The following TOP1 variants were observed in gnomAD, a reference collection of about 807,000 sequenced individuals.
TOP1 encodes the protein DNA topoisomerase I.
In TOP1, 10 loss-of-function variants were observed where a neutral mutation model predicts 111.1. The ratio of observed to expected loss-of-function variants is 0.09; its 90% CI spans 0.06 to 0.15. The LOEUF (loss-of-function observed/expected upper bound fraction) is 0.15, where lower values mean the gene tolerates loss of function less well. Among genes scored for constraint, TOP1 ranks in the 10% least tolerant of loss-of-function variants. The pLI, the probability that TOP1 is intolerant of heterozygous loss-of-function variation, is 1.00. For synonymous variants in TOP1, 271 were observed against 302.9 expected (o/e 0.89, Z 1.10); for missense variants, 474 against 926.7 (o/e 0.51, Z 6.34).
At position 41,106,553 on chromosome 20, in the gene TOP1, T is replaced by A. The variant is rs1462307111; in HGVS notation, c.1308+5200T>A. ...TGTTATACCTCTCCATTAATTCATG[T>A]CTTTTGAATGTATCCACCAATATGG... is the stretch of plus-strand genomic sequence containing the variant. On this transcript the variant is annotated intron_variant, in intron 13 of 20. Coordinates refer to ENST00000361337, the MANE Select transcript of TOP1 (RefSeq NM_003286.4). This position sits in a 1 kb window ranked among gnomAD's most constrained non-coding sequence, Gnocchi z 4.3. 6.6e-6 allele frequency among the ~76,000 whole-genome samples: 1 copy of A among 152,248 alleles called. No individual in the cohort carries two copies. Among genetic ancestry groups the A allele is most frequent in the Non-Finnish European group, 1.5e-5 (1 of 68,030 alleles).
At chr20:41,063,263 A>C (rs1209572174) in intron 3 of TOP1, among the ~76,000 whole-genome samples, 1 of 152,186 alleles carries the variant, frequency 6.6e-6, no homozygotes, top group African/African-American at 2.4e-5. Context: ...TACAAAGGAC[A>C]TGATTCAGTT....
rs954218982 is a variant in TOP1, at chr20:41,100,813, A to T, written c.1164-396A>T. 1.7e-5 allele frequency: 3 copies of T among 173,746 alleles called. No individual in the cohort carries two copies. The highest frequency in any genetic ancestry group is 3.7e-5 in the Non-Finnish European group (3 of 80,890). The allele number at this position is 173,746 out of a possible 1,614,324, so 10.8% of individuals were successfully genotyped here. On this transcript the variant is annotated intron_variant, in intron 12 of 20. Transcript: ENST00000361337. This position sits in a 1 kb window ranked among gnomAD's most constrained non-coding sequence, Gnocchi z 4.4. ...GGGGCCTTTATTAAGTAAAAGAAGGATTACTTGAACACAAGCAATGTAAAA... is the reference window on the plus strand; with the variant it reads ...GGGGCCTTTATTAAGTAAAAGAAGGTTTACTTGAACACAAGCAATGTAAAA...
chr20:41,068,775 C>A (rs977319099), intron 3 of TOP1, among the ~76,000 whole-genome samples: 2 of 152,160 alleles, frequency 1.3e-5, no homozygotes, highest in African/African-American at 4.8e-5. Flanking sequence ...TAGGATCTCA[C>A]GAGCTACCTT....
At chr20:41,113,374 TATTTA>T (rs932968449) in intron 14 of TOP1, among the ~76,000 whole-genome samples, 7 of 151,488 alleles carry the variant, frequency 4.6e-5, no homozygotes, top group East Asian at 3.9e-4. Flanking sequence ...TTTGCTGCCT[TATTTA>T]ATTTTTTTTT....
intron 7 of TOP1, 143 bp downstream of exon 7, chr20:41,081,383 G>A (rs2145938489): frequency 2.0e-6 from 2 of 986,354 alleles, no homozygotes; most frequent in East Asian, 3.1e-5. Flanking sequence ...AGTGGTGGCT[G>A]TGGCACTGGT....
rs1464866141 is a variant in TOP1, at chr20:41,092,452, CTG to C, written c.615-17_615-16del. ...TAGACAAGGCGATCACTAAATGAGG[CTG>C]TGCTTTGTCTTTTAAAGGTGGGAAG... On this transcript the variant is annotated intron_variant, in intron 8 of 20. Coordinates refer to ENST00000361337, the MANE Select transcript of TOP1 (RefSeq NM_003286.4). This position sits in a 1 kb window ranked among gnomAD's most constrained non-coding sequence, Gnocchi z 4.3. The C allele has an allele frequency of 7.9e-7, 1 of 1,270,862 alleles. No individual in the cohort carries two copies. Among genetic ancestry groups the C allele is most frequent in the African/African-American group, 1.5e-5 (1 of 66,314 alleles). The allele number at this position is 1,270,862 out of a possible 1,614,324, so 78.7% of individuals were successfully genotyped here.
At chr20:41,081,741 C>T (rs1327027471) in intron 7 of TOP1, among the ~76,000 whole-genome samples, 3 of 152,186 alleles carry the variant, frequency 2.0e-5, no homozygotes, top group Non-Finnish European at 2.9e-5. Flanking sequence ...TGTCTCTCTT[C>T]ATCTTGTGCC....
chr20:41,112,746 C>G lies in TOP1; in HGVS notation c.1309-36C>G, dbSNP rs1422303648. 2.5e-6 allele frequency: 4 copies of G among 1,611,434 alleles called. No individual in the cohort carries two copies. Among genetic ancestry groups the G allele is most frequent in the Non-Finnish European group, 3.4e-6 (4 of 1,178,360 alleles). On this transcript the variant is annotated intron_variant, in intron 13 of 20. Transcript: ENST00000361337. The surrounding 1 kb of genome is among the most constrained non-coding windows in gnomAD (Gnocchi z 5.8). ...CAAAGTCTGTCTTTACTACACTGTC[C>G]CAAAGTAATCTACATTTGGGTTTGG...
intron 14 of TOP1, among the ~76,000 whole-genome samples, chr20:41,113,468 T>C (rs559695414): frequency 6.6e-6 from 1 of 152,286 alleles, no homozygotes; most frequent in South Asian, 2.1e-4. Context: ...ATAGATTTCA[T>C]AGTGAGTGGG....
intron 8 of TOP1, among the ~76,000 whole-genome samples, chr20:41,091,571 T>TTTC (rs1289841779): frequency 6.8e-6 from 1 of 147,688 alleles, no homozygotes; most frequent in African/African-American, 2.5e-5. Context: ...TTTTTTTTTT[T>TTTC]TTTGAGATGG....
Position 41,029,750 on chromosome 20 carries a change from A to C in TOP1, c.58+295A>C, listed in dbSNP as rs1489860628. The stretch of plus-strand genomic sequence containing the variant: ...TCCTCCCGGGAAAGTCGCCTTGTCG[A>C]CGGTCGGGACTTAGTCTCTGCGCCA... On this transcript the variant is annotated intron_variant, in intron 2 of 20. Transcript: ENST00000361337. The surrounding 1 kb of genome is among the most constrained non-coding windows in gnomAD (Gnocchi z 6.1). The C allele has an allele frequency of 2.0e-6, 1 of 512,552 alleles. No homozygotes were observed. The highest frequency in any genetic ancestry group is 3.5e-6 in the Non-Finnish European group (1 of 283,738). 31.8% of individuals were successfully genotyped at this position (512,552 alleles called of 1,614,324 possible).
chr20:41,063,119 C>T (rs1600567272), intron 3 of TOP1, among the ~76,000 whole-genome samples: 1 of 152,254 alleles, frequency 6.6e-6, no homozygotes, highest in South Asian at 2.1e-4. Context: ...TCTCCAGTGT[C>T]TATTATTGCC....
chr20:41,105,304 T>A (rs900752904), intron 13 of TOP1, among the ~76,000 whole-genome samples: 4 of 152,252 alleles, frequency 2.6e-5, no homozygotes, highest in African/African-American at 9.6e-5. Context: ...AGACATATTG[T>A]ACAACCTATT....
At position 41,098,346 on chromosome 20, in the gene TOP1, G is replaced by A; in HGVS notation, c.975+9G>A. 6.2e-7 allele frequency: 1 copy of A among 1,610,176 alleles called. No individual in the cohort carries two copies. Among genetic ancestry groups the A allele is most frequent in the Non-Finnish European group, 8.5e-7 (1 of 1,179,014 alleles). ...GCAAGGAAGAGAAACTGGTACTACA[G>A]AATTTATTAAACCTCTGGAGAATTC... is the stretch of plus-strand genomic sequence containing the variant. On this transcript the variant is annotated intron_variant, in intron 11 of 20. Coordinates refer to ENST00000361337, the MANE Select transcript of TOP1 (RefSeq NM_003286.4). This position sits in a 1 kb window ranked among gnomAD's most constrained non-coding sequence, Gnocchi z 5.7.
In TOP1 at chr20:41,100,009, G is replaced by T; in HGVS notation, c.976-47G>T. 2 of 1,411,388 alleles carry T rather than the reference G, an allele frequency of 1.4e-6. No individual in the cohort carries two copies. The highest frequency in any genetic ancestry group is 2.0e-6 in the Non-Finnish European group (2 of 1,015,044). 87.4% of individuals were successfully genotyped at this position (1,411,388 alleles called of 1,614,324 possible). On this transcript the variant is annotated intron_variant, in intron 11 of 20. Coordinates refer to ENST00000361337, the MANE Select transcript of TOP1 (RefSeq NM_003286.4). This position sits in a 1 kb window ranked among gnomAD's most constrained non-coding sequence, Gnocchi z 4.4. ...ACAAGAGATAAAATGCATTAGTAGA[G>T]AACAGCAATCTGAATCTATTTTGAG...
At chr20:41,081,392 G>T (rs995667006) in intron 7 of TOP1, 152 bp downstream of exon 7, 4 of 912,988 alleles carry the variant, frequency 4.4e-6, no homozygotes, top group Admixed American at 6.9e-5. Flanking sequence ...TGTGGCACTG[G>T]TAGTTTTAAG....
rs1276696859 is a variant in TOP1 at position 41,076,284 on chromosome 20, A to G, written c.269A>G (p.Lys90Arg). The G allele has an allele frequency of 3.1e-6, 5 of 1,609,070 alleles. No homozygotes were observed. The African/African-American group carries it at 4.0e-5, about 13-fold the overall frequency. ...AAAGACAGAGACAAGGAAAAACGAA[A>G]AGAGGAAAAGGTACAGAGTTTTCTA... ...KHKDRDKEKR[K>R]EEKVRASGDA... Residue 90 changes from lysine to arginine, a missense_variant, in exon 4 of 21, where the codon AAA becomes AGA. Physicochemically the swap from Lys to Arg is conservative, Grantham distance 26 (BLOSUM62 2). Around this residue, in one of 14 missense-constraint regions of TOP1, gnomAD observed 185 missense variants for 226.3 expected, o/e 0.82. Transcript: ENST00000361337.
Position 41,123,157 on chromosome 20 carries a change from T to G in TOP1, c.2196-38T>G. The G allele has an allele frequency of 6.8e-7, 1 of 1,461,650 alleles. No homozygotes were observed. The highest frequency in any genetic ancestry group is 9.6e-7 in the Non-Finnish European group (1 of 1,042,570). The allele number at this position is 1,461,650 out of a possible 1,614,324, so 90.5% of individuals were successfully genotyped here. A position where few individuals can be genotyped will look rare whatever the true frequency, so the allele number is the denominator to read the frequency against. ...GCCTCAGATATGGGCCATTGCTGAG[T>G]CACCCTAATCCCCCCCTTATTTCTC... On this transcript the variant is annotated intron_variant, in intron 20 of 20. Coordinates refer to ENST00000361337, the MANE Select transcript of TOP1 (RefSeq NM_003286.4). The surrounding 1 kb of genome is among the most constrained non-coding windows in gnomAD (Gnocchi z 5.8).
At chr20:41,043,977 T>TA (rs2033300156) in intron 2 of TOP1, among the ~76,000 whole-genome samples, 5 of 152,184 alleles carry the variant, frequency 3.3e-5, no homozygotes, top group African/African-American at 9.6e-5. Flanking sequence ...TAGAGCAGTA[T>TA]TTGAAATGCA....
Sources: gnomAD v4.1 joint callset for allele counts (sites outside exome capture counted in the v4.1 genomes callset) on GRCh38, gnomAD v4.1.1 for gene constraint, gnomAD v4.1.1 regional missense constraint, Gnocchi (gnomAD v3.1) non-coding constraint, MANE v1.5 for transcripts, NCBI Gene and HGNC (gene_info 2026-07-23, HGNC 2026-07-21) for gene names.